NUCKS1: variants seen among roughly 807,000 people sequenced by gnomAD.
NUCKS1 encodes nuclear ubiquitous casein and cyclin-dependent kinase substrate 1.
In NUCKS1, 2 loss-of-function variants were observed where a neutral mutation model predicts 33.0. The ratio of observed to expected loss-of-function variants is 0.06; its 90% CI spans 0.02 to 0.19. The LOEUF (loss-of-function observed/expected upper bound fraction) is 0.19. Among genes scored for constraint, NUCKS1 ranks in the 10% least tolerant of loss-of-function variants. NUCKS1 has a pLI of 1.00. For missense variants in NUCKS1, 201 were observed against 293.6 expected (o/e 0.68, Z 2.31); for synonymous variants, 106 against 102.8 (o/e 1.03, Z -0.19).
chr1:205,744,630 GTTT>G (rs10672842), intron 1 of NUCKS1, among the ~76,000 whole-genome samples: 29 of 87,764 alleles, frequency 3.3e-4, no homozygotes, highest in Non-Finnish European at 4.5e-4. Context: ...GTTCACTAGA[GTTT>G]TTTTTTTTTT....
At position 205,717,625 on chromosome 1, in the gene NUCKS1, C is replaced by A; in HGVS notation, c.*655G>T. On this transcript the variant is annotated 3_prime_UTR_variant, in exon 7 of 7. Coordinates refer to ENST00000367142, the MANE Select transcript of NUCKS1 (RefSeq NM_022731.5). ...TACCCTCAAATAAGGTCAGGTAACCCCATTGCCCACCCTCCCTACAAGGTA... is the reference window on the plus strand; with the variant it reads ...TACCCTCAAATAAGGTCAGGTAACCACATTGCCCACCCTCCCTACAAGGTA... 9.1e-6 allele frequency: 9 copies of A among 985,126 alleles called. No homozygotes were observed. The highest frequency in any genetic ancestry group is 1.1e-5 in the Non-Finnish European group (9 of 829,928). 61.0% of individuals were successfully genotyped at this position (985,126 alleles called of 1,614,324 possible).
chr1:205,728,268 C>G lies in NUCKS1; in HGVS notation c.68-463G>C, dbSNP rs574598302. Among the ~76,000 whole-genome samples the G allele has an allele frequency of 3.5e-4, 54 of 152,220 alleles. 1 individual carries two copies. The highest frequency in any genetic ancestry group is 2.7e-3 in the Admixed American group (42 of 15,284). On this transcript the variant is annotated intron_variant, in intron 2 of 6. Transcript: ENST00000367142. ...CCCTATAAAACTAAGGAAAATGACT[C>G]TACCTTAAAAGGAAATTATTTCCAA... is the stretch of plus-strand genomic sequence containing the variant.
At chr1:205,746,219 C>T (rs990197897) in intron 1 of NUCKS1, among the ~76,000 whole-genome samples, 3 of 151,926 alleles carry the variant, frequency 2.0e-5, no homozygotes, top group Non-Finnish European at 2.9e-5. Flanking sequence ...CACTTGAACC[C>T]GGGAGGTGGA....
intron 1 of NUCKS1, among the ~76,000 whole-genome samples, chr1:205,731,921 A>C (rs1653923307): frequency 6.6e-6 from 1 of 152,038 alleles, no homozygotes; most frequent in Admixed American, 6.6e-5. Flanking sequence ...ATTTAAGATA[A>C]ATATACATTA....
intron 1 of NUCKS1, among the ~76,000 whole-genome samples, chr1:205,746,078 CT>C: frequency 6.6e-6 from 1 of 152,226 alleles, no homozygotes; most frequent in East Asian, 1.9e-4. Context: ...GGTGGATCGC[CT>C]GAGGTCAAGA....
chr1:205,749,978 G>A lies in NUCKS1; in HGVS notation c.-5C>T, dbSNP rs1219138401. 3 of 1,600,656 alleles carry A rather than the reference G, an allele frequency of 1.9e-6. No individual in the cohort carries two copies. Among genetic ancestry groups the A allele is most frequent in the Non-Finnish European group, 2.6e-6 (3 of 1,172,936 alleles). On this transcript the variant is annotated 5_prime_UTR_variant, in exon 1 of 7. Transcript: ENST00000367142. ...TGACCTGACAGGCCGCGACATGTTCGCTGTCGAAACAGGACCGAGTCGAGA... is the reference window on the plus strand; with the variant it reads ...TGACCTGACAGGCCGCGACATGTTCACTGTCGAAACAGGACCGAGTCGAGA...
intron 1 of NUCKS1, among the ~76,000 whole-genome samples, chr1:205,733,533 G>A (rs1653964739): frequency 6.6e-6 from 1 of 151,762 alleles, no homozygotes; most frequent in Admixed American, 6.6e-5. Flanking sequence ...AATTTCTCTG[G>A]GCCTTAGTTC....
rs1178384270 is a variant in NUCKS1 at position 205,716,916 on chromosome 1, A to AGT, written c.*1362_*1363dup. ...CCCTCCTGCTTTAAGCAGCATGAGC[A>AGT]GTAAAGCAGGGGTTGGACCAAATAA... On this transcript the variant is annotated 3_prime_UTR_variant, in exon 7 of 7. Coordinates refer to ENST00000367142, the MANE Select transcript of NUCKS1 (RefSeq NM_022731.5). 6.6e-6 allele frequency: 1 copy of AGT among 152,226 alleles called. No individual in the cohort carries two copies. Among genetic ancestry groups the AGT allele is most frequent in the Non-Finnish European group, 1.5e-5 (1 of 68,046 alleles). 9.4% of individuals were successfully genotyped at this position (152,226 alleles called of 1,614,324 possible).
Position 205,717,158 on chromosome 1 carries a change from G to T in NUCKS1, c.*1122C>A. On this transcript the variant is annotated 3_prime_UTR_variant, in exon 7 of 7. Coordinates refer to ENST00000367142, the MANE Select transcript of NUCKS1 (RefSeq NM_022731.5). Reference sequence around the variant, plus strand: ...TTTCTATGAAGAAATGGGAAGATCGGGATATGAAAAAGAAAATGTTCTATC... The same window carrying T: ...TTTCTATGAAGAAATGGGAAGATCGTGATATGAAAAAGAAAATGTTCTATC... 1 of 246,864 alleles carries T rather than the reference G, an allele frequency of 4.1e-6. No homozygotes were observed. Among genetic ancestry groups the T allele is most frequent in the Non-Finnish European group, 6.5e-6 (1 of 154,768 alleles). The allele number at this position is 246,864 out of a possible 1,614,324, so 15.3% of individuals were successfully genotyped here.
intron 1 of NUCKS1, among the ~76,000 whole-genome samples, chr1:205,744,847 G>A (rs1429136191): frequency 6.6e-6 from 1 of 151,922 alleles, no homozygotes; most frequent in Non-Finnish European, 1.5e-5. Context: ...GGTCAGGCTG[G>A]TCTCGAACTC....
chr1:205,743,745 C>G (rs1558056415), intron 1 of NUCKS1, among the ~76,000 whole-genome samples: 1 of 152,134 alleles, frequency 6.6e-6, no homozygotes, highest in Non-Finnish European at 1.5e-5. Context: ...GACCTTGTAA[C>G]ACAACATTAT....
At chr1:205,721,276 T>TA (rs879871307) in intron 4 of NUCKS1, among the ~76,000 whole-genome samples, 206 of 127,022 alleles carry the variant, frequency 1.6e-3, no homozygotes, top group African/African-American at 3.2e-3. Flanking sequence ...TCCCACAACA[T>TA]AAAAAAAAAA....
In NUCKS1 at chr1:205,750,114, C is replaced by G. The variant is rs964367279; in HGVS notation, c.-141G>C. On this transcript the variant is annotated 5_prime_UTR_variant, in exon 1 of 7. Coordinates refer to ENST00000367142, the MANE Select transcript of NUCKS1 (RefSeq NM_022731.5). The stretch of plus-strand genomic sequence containing the variant: ...CCCCGAGCTGCTGGCTTCTCAAACT[C>G]CGCTGCTCTTTGGTTCAGGGCTCCT... The G allele has an allele frequency of 8.0e-6, 7 of 874,706 alleles. No individual in the cohort carries two copies. Among genetic ancestry groups the G allele is most frequent in the Admixed American group, 2.1e-5 (1 of 46,544 alleles). The allele number at this position is 874,706 out of a possible 1,614,324, so 54.2% of individuals were successfully genotyped here.
At position 205,716,429 on chromosome 1, in the gene NUCKS1, ATTAATCT is replaced by A. The variant is rs1671823961; in HGVS notation, c.*1844_*1850del. 1 of 152,220 alleles carries A rather than the reference ATTAATCT, an allele frequency of 6.6e-6. No individual in the cohort carries two copies. Among genetic ancestry groups the A allele is most frequent in the African/African-American group, 2.4e-5 (1 of 41,462 alleles). The allele number at this position is 152,220 out of a possible 1,614,324, so 9.4% of individuals were successfully genotyped here. On this transcript the variant is annotated 3_prime_UTR_variant, in exon 7 of 7. Coordinates refer to ENST00000367142, the MANE Select transcript of NUCKS1 (RefSeq NM_022731.5). Reference sequence around the variant, plus strand: ...TGAACAAACCCATTTAGGCAAATAGATTAATCTTTAACACCCTCATTACAAAGTTCAC... The same window carrying A: ...TGAACAAACCCATTTAGGCAAATAGATTAACACCCTCATTACAAAGTTCAC...
At chr1:205,731,972 G>A (rs996917326) in intron 1 of NUCKS1, among the ~76,000 whole-genome samples, 1 of 152,074 alleles carries the variant, frequency 6.6e-6, no homozygotes, top group African/African-American at 2.4e-5. Flanking sequence ...ATTCTTGGCT[G>A]TATAGATTAA....
At position 205,723,977 on chromosome 1, in the gene NUCKS1, C is replaced by A; in HGVS notation, c.178G>T (p.Asp60Tyr). ...GTCTTCACATCTTTGTCTTCTGAGT[C>A]CTCACTATAAAGGGAGGCAAAAAAG... ...SGKNSQEDSE[D>Y]SEDKDVKTKK... The change falls in exon 4 of 7, where the codon GAC becomes TAC. Residue 60 changes from aspartate to tyrosine, a missense_variant. By Grantham distance (160) the Asp-to-Tyr change is radical. Transcript: ENST00000367142. The A allele has an allele frequency of 6.2e-7, 1 of 1,611,956 alleles. No individual in the cohort carries two copies. Among genetic ancestry groups the A allele is most frequent in the Admixed American group, 1.7e-5 (1 of 60,002 alleles).
Position 205,716,487 on chromosome 1 carries a change from G to A in NUCKS1, c.*1793C>T, listed in dbSNP as rs535209504. 8.5e-5 allele frequency: 13 copies of A among 152,282 alleles called. 1 individual carries two copies. Among genetic ancestry groups the A allele is most frequent in the Middle Eastern group, 3.4e-3 (1 of 294 alleles). The allele number at this position is 152,282 out of a possible 1,614,324, so 9.4% of individuals were successfully genotyped here. A position where few individuals can be genotyped will look rare whatever the true frequency, so the allele number is the denominator to read the frequency against. On this transcript the variant is annotated 3_prime_UTR_variant, in exon 7 of 7. Coordinates refer to ENST00000367142, the MANE Select transcript of NUCKS1 (RefSeq NM_022731.5). ...ACCTCTGAATTTAACCGTCATGAAA[G>A]AGAATGATCCAACTGCTATTTATGT...
intron 3 of NUCKS1, among the ~76,000 whole-genome samples, chr1:205,726,191 C>T (rs1313018154): frequency 6.6e-6 from 1 of 152,086 alleles, no homozygotes; most frequent in Non-Finnish European, 1.5e-5. Flanking sequence ...AAGAGTGAGA[C>T]TGCCTCAAAA....
chr1:205,739,594 C>G (rs543899023), intron 1 of NUCKS1, among the ~76,000 whole-genome samples: 1 of 152,190 alleles, frequency 6.6e-6, no homozygotes, highest in Non-Finnish European at 1.5e-5. Context: ...CACCTCAGCC[C>G]CTACCCCAGT....
Sources: allele counts gnomAD v4.1 joint callset (sites outside exome capture counted in the v4.1 genomes callset), GRCh38; gene constraint gnomAD v4.1.1; transcripts MANE v1.5; gene names NCBI Gene and HGNC (gene_info 2026-07-23, HGNC 2026-07-21).